The following THSD4 variants were observed in gnomAD, a reference collection of about 807,000 sequenced individuals.
THSD4 encodes the protein thrombospondin type 1 domain containing 4, also known as thrombospondin type-1 domain-containing protein 4.
In THSD4, 69 loss-of-function variants were observed where a neutral mutation model predicts 119.0. The ratio of observed to expected loss-of-function variants is 0.58; its 90% confidence interval spans 0.48 to 0.71. THSD4 has a LOEUF of 0.71. Ranked by LOEUF, THSD4 falls within the 30% of genes least tolerant of loss-of-function variation. THSD4 has a pLI of 0.00. For synonymous variants in THSD4, 524 were observed against 540.4 expected (o/e 0.97, Z 0.42); for missense variants, 1,393 against 1,391.1 (o/e 1.00, Z -0.02).
At chr15:71,116,351 C>T (rs542068865) in intron 1 of THSD4, among the ~76,000 whole-genome samples, 51 of 152,374 alleles carry the variant, frequency 3.3e-4, no homozygotes, top group African/African-American at 1.1e-3. Flanking sequence ...ACAGCGAGCT[C>T]ACCTTGGAGC....
chr15:71,651,585 A>G (rs141137772), intron 7 of THSD4, among the ~76,000 whole-genome samples: 3 of 152,282 alleles, frequency 2.0e-5, no homozygotes, highest in African/African-American at 7.2e-5. Context: ...ACTCATTTAC[A>G]CAGATTTTAA....
chr15:71,344,061 CAG>C (rs2045619454), intron 6 of THSD4, among the ~76,000 whole-genome samples: 1 of 123,710 alleles, frequency 8.1e-6, no homozygotes, highest in Admixed American at 9.0e-5. Flanking sequence ...TTTTTTGAGA[CAG>C]AGTCTCGCTC....
Position 71,256,467 on chromosome 15 carries a change from C to T in THSD4, c.913-146C>T. ...TCCAGCCTGGGCGACAAGGGTGAGA[C>T]TCCATCTCAAAAAAAAAAAAATAAA... On this transcript the variant is annotated intron_variant, in intron 5 of 17. Transcript: ENST00000261862. The T allele has an allele frequency of 5.3e-6, 2 of 377,268 alleles. 1 individual carries two copies. Among genetic ancestry groups the T allele is most frequent in the Non-Finnish European group, 8.0e-6 (2 of 251,026 alleles). The allele number at this position is 377,268 out of a possible 1,614,324, so 23.4% of individuals were successfully genotyped here. A position where few individuals can be genotyped will look rare whatever the true frequency, so the allele number is the denominator to read the frequency against.
rs535978411 is a variant in THSD4 at position 71,450,574 on chromosome 15, C to G, written c.1152+38751C>G. Among the ~76,000 whole-genome samples, 9 of 152,222 alleles carry G rather than the reference C, an allele frequency of 5.9e-5. 1 individual carries two copies. The South Asian group carries it at 1.9e-3, about 32-fold the overall frequency. ...TGGAAATAATAATTCTTATAGCATCCAAGGTTATGTAACAAGTATAAATTA... is the reference window on the plus strand; with the variant it reads ...TGGAAATAATAATTCTTATAGCATCGAAGGTTATGTAACAAGTATAAATTA... On this transcript the variant is annotated intron_variant, in intron 7 of 17. Transcript: ENST00000261862.
rs564906881 is a variant in THSD4, at chr15:71,664,224, C to T, written c.1357+3490C>T. Among the ~76,000 whole-genome samples the T allele has an allele frequency of 1.8e-4, 27 of 152,100 alleles. No individual in the cohort carries two copies. In the South Asian group the frequency reaches 2.5e-3, roughly 14 times the overall value. On this transcript the variant is annotated intron_variant, in intron 8 of 17. Coordinates refer to ENST00000261862, the MANE Select transcript of THSD4 (RefSeq NM_024817.3). ...GTCTCGATCTCCTGACCTCGTGATC[C>T]GCCCGCCTCAGCCTCCCAAAGTGCT...
At chr15:71,198,157 A>G (rs1207233021) in intron 3 of THSD4, among the ~76,000 whole-genome samples, 1 of 152,192 alleles carries the variant, frequency 6.6e-6, no homozygotes, top group East Asian at 1.9e-4. Context: ...GCTACATGGG[A>G]GGTTGAGGCT....
intron 7 of THSD4, among the ~76,000 whole-genome samples, chr15:71,595,365 G>A (rs962268512): frequency 7.9e-5 from 12 of 152,112 alleles, no homozygotes; most frequent in Non-Finnish European, 1.3e-4. Flanking sequence ...GGCCTTTTCC[G>A]TGCTGGTCTC....
chr15:71,771,348 T>C (rs1350120031), intron 17 of THSD4, 140 bp downstream of exon 17: 1 of 1,134,688 alleles, frequency 8.8e-7, no homozygotes, highest in Non-Finnish European at 1.2e-6. Context: ...TTGAGGTGCT[T>C]TTGGTATTAT....
rs189949056 is a variant in THSD4 at position 71,298,997 on chromosome 15, G to C, written c.1015+42282G>C. ...AGTCCCTGGTACACCCTCAGCACCT[G>C]CCTGGTGATCTCAGGTTCTGCCCTG... On this transcript the variant is annotated intron_variant, in intron 6 of 17. Coordinates refer to ENST00000261862, the MANE Select transcript of THSD4 (RefSeq NM_024817.3). Among the ~76,000 whole-genome samples the C allele has an allele frequency of 5.6e-3, 856 of 152,264 alleles. 7 individuals are homozygous for C. Among genetic ancestry groups the C allele is most frequent in the African/African-American group, 0.019 (802 of 41,558 alleles).
intron 7 of THSD4, among the ~76,000 whole-genome samples, chr15:71,485,638 T>C (rs1405027498): frequency 6.6e-6 from 1 of 152,100 alleles, no homozygotes; most frequent in Non-Finnish European, 1.5e-5. Context: ...TCTAGACTCT[T>C]TCTCTTGCCC....
intron 7 of THSD4, among the ~76,000 whole-genome samples, chr15:71,588,851 T>A (rs952284239): frequency 6.6e-6 from 1 of 151,962 alleles, no homozygotes; most frequent in African/African-American, 2.4e-5. Flanking sequence ...AGTGTTGCAG[T>A]CAGGGGGCAC....
At chr15:71,504,110 A>G (rs2048155031) in intron 7 of THSD4, among the ~76,000 whole-genome samples, 1 of 152,162 alleles carries the variant, frequency 6.6e-6, no homozygotes, top group African/African-American at 2.4e-5. Context: ...AGCACAGCAA[A>G]TCATACTTTG....
chr15:71,167,643 C>T (rs147024761), intron 3 of THSD4, among the ~76,000 whole-genome samples: 2,420 of 152,192 alleles, frequency 0.016, 34 homozygotes, highest in South Asian at 0.041. Flanking sequence ...TTTGCTGACC[C>T]ACTGTTTTGT....
chr15:71,281,427 G>A (rs985251138), intron 6 of THSD4, among the ~76,000 whole-genome samples: 11 of 152,224 alleles, frequency 7.2e-5, no homozygotes, highest in African/African-American at 2.7e-4. Flanking sequence ...CGAAAGCTGG[G>A]AGCCTCTATA....
At chr15:71,680,781 T>C (rs942302193) in intron 8 of THSD4, among the ~76,000 whole-genome samples, 4 of 152,206 alleles carry the variant, frequency 2.6e-5, no homozygotes, top group Non-Finnish European at 2.9e-5. Flanking sequence ...TTTCTTTACC[T>C]GTAAGATGAA....
chr15:71,137,216 G>A (rs2040559624), intron 1 of THSD4, among the ~76,000 whole-genome samples: 1 of 152,194 alleles, frequency 6.6e-6, no homozygotes, highest in Non-Finnish European at 1.5e-5. Flanking sequence ...GACAGCACGT[G>A]TGCTCAGCCC....
At chr15:71,597,728 G>A (rs7176825) in intron 7 of THSD4, among the ~76,000 whole-genome samples, 27,538 of 151,954 alleles carry the variant, frequency 0.18, 3,110 homozygotes, top group East Asian at 0.48. Flanking sequence ...TAACAAGCTC[G>A]ACGCCTTATG....
chr15:71,659,063 G>C (rs1595837385), intron 7 of THSD4, among the ~76,000 whole-genome samples: 1 of 152,314 alleles, frequency 6.6e-6, no homozygotes, highest in South Asian at 2.1e-4. Context: ...TGACTGGTTT[G>C]CTGCTCACTT....
chr15:71,339,104 A>G (rs2045528246), intron 6 of THSD4, among the ~76,000 whole-genome samples: 1 of 152,190 alleles, frequency 6.6e-6, no homozygotes, highest in African/African-American at 2.4e-5. Flanking sequence ...CTACCCTGAG[A>G]TCTTTTTGTT....
Sources: allele counts gnomAD v4.1 joint callset (sites outside exome capture counted in the v4.1 genomes callset), GRCh38; gene constraint gnomAD v4.1.1; transcripts MANE v1.5; gene names NCBI Gene and HGNC (gene_info 2026-07-23, HGNC 2026-07-21).